PLBD2: variants seen among roughly 807,000 people sequenced by gnomAD.
PLBD2 encodes phospholipase B domain containing 2, also known as putative aminopeptidase PLBD2.
A neutral mutation model predicts 68.3 loss-of-function variants in PLBD2; 51 were observed. The ratio of observed to expected loss-of-function variants is 0.75; its 90% CI spans 0.60 to 0.94. PLBD2 has a LOEUF of 0.94. PLBD2 is among the 40% of genes least tolerant of loss of function. PLBD2 has a pLI of 0.00. For synonymous variants in PLBD2, 314 were observed against 339.3 expected, an observed-to-expected ratio of 0.93 and a Z score of 0.82; for missense variants, 729 against 792.2, an observed-to-expected ratio of 0.92 and a Z score of 0.96.
chr12:113,363,315 A>G (rs1243659550), intron 1 of PLBD2, among the ~76,000 whole-genome samples: 1 of 152,072 alleles, frequency 6.6e-6, no homozygotes, highest in African/African-American at 2.4e-5. Context: ...GCGTGCCTGT[A>G]GTTCCAGCTA....
At position 113,362,468 on chromosome 12, in the gene PLBD2, A is replaced by G. The variant is rs965400524; in HGVS notation, c.290+3578A>G. Among the ~76,000 whole-genome samples the G allele has an allele frequency of 3.3e-5, 5 of 152,140 alleles. No individual in the cohort carries two copies. The East Asian group carries it at 9.7e-4, about 30-fold the overall frequency. On this transcript the variant is annotated intron_variant, in intron 1 of 11. Transcript: ENST00000280800. ...GTGAGATATTTGTGGCCCCCTGCTC[A>G]TATCAGTGGTCTGACTTTTTCCAAT...
intron 6 of PLBD2, among the ~76,000 whole-genome samples, chr12:113,381,831 T>A (rs933790839): frequency 9.2e-5 from 14 of 152,170 alleles, no homozygotes; most frequent in Non-Finnish European, 1.8e-4. Flanking sequence ...TTATTTATTT[T>A]TTTTCATAGA....
chr12:113,363,570 G>C (rs373621555), intron 1 of PLBD2, among the ~76,000 whole-genome samples: 15 of 124,500 alleles, frequency 1.2e-4, no homozygotes, highest in South Asian at 9.9e-4. Flanking sequence ...GTGGAGTCTC[G>C]CCCTGTTGCC....
At chr12:113,371,862 G>A (rs565849679) in intron 2 of PLBD2, among the ~76,000 whole-genome samples, 3 of 152,304 alleles carry the variant, frequency 2.0e-5, no homozygotes, top group African/African-American at 4.8e-5. Context: ...CCTAACTAGT[G>A]TGCCCTGCTG....
Position 113,374,992 on chromosome 12 carries a change from C to G in PLBD2, c.844C>G (p.Arg282Gly). 6.2e-7 allele frequency: 1 copy of G among 1,613,972 alleles called. No individual in the cohort carries two copies. The highest frequency in any genetic ancestry group is 8.5e-7 in the Non-Finnish European group (1 of 1,179,932). The change falls in exon 5 of 12, where the codon CGG becomes GGG. Residue 282 changes from arginine to glycine, a missense_variant. Coordinates refer to ENST00000280800, the MANE Select transcript of PLBD2 (RefSeq NM_173542.4). ...RVIKKYWLQF[R>G]EGPWGDYPLV... ...CATCAAGAAGTACTGGCTCCAGTTCCGGGAAGGCCCCTGGGGTAGGTGGGT... is the reference window on the plus strand; with the variant it reads ...CATCAAGAAGTACTGGCTCCAGTTCGGGGAAGGCCCCTGGGGTAGGTGGGT...
rs1319506136 is a variant in PLBD2, at chr12:113,374,488, C to T, written c.558C>T (p.Leu186=). The change falls in exon 4 of 12, where the codon CTC becomes CTT. Residue 186 remains leucine (L), a synonymous_variant. Transcript: ENST00000280800. ...CCCTCCCCTAGGTGCGGCTGACCCT[C>T]CTGCAGCTGAAAGGCCTGGAGGACA... is the stretch of plus-strand genomic sequence containing the variant. ...SPYWHQVRLT[L]LQLKGLEDSY... 4 of 1,599,892 alleles carry T rather than the reference C, an allele frequency of 2.5e-6. No homozygotes were observed. Among genetic ancestry groups the T allele is most frequent in the Non-Finnish European group, 3.4e-6 (4 of 1,173,886 alleles).
At position 113,380,754 on chromosome 12, in the gene PLBD2, C is replaced by G; in HGVS notation, c.869C>G (p.Pro290Arg). Residue 290 changes from proline (P) to arginine (R), a missense_variant, in exon 6 of 12, where the codon CCG becomes CGG. Coordinates refer to ENST00000280800, the MANE Select transcript of PLBD2 (RefSeq NM_173542.4). ...QFREGPWGDY[P>R]LVPGNKLVFS... ...CGCTCTGCCTGCACAGGGGACTACC[C>G]GCTGGTTCCCGGCAACAAGCTGGTC... 6.4e-7 allele frequency: 1 copy of G among 1,550,450 alleles called. No individual in the cohort carries two copies. The highest frequency in any genetic ancestry group is 8.7e-7 in the Non-Finnish European group (1 of 1,147,358).
intron 9 of PLBD2, among the ~76,000 whole-genome samples, chr12:113,386,237 G>A (rs955657760): frequency 1.3e-5 from 2 of 152,248 alleles, no homozygotes; most frequent in Non-Finnish European, 2.9e-5. Flanking sequence ...CACCCAGGCT[G>A]GAGTGCAATG....
At position 113,386,979 on chromosome 12, in the gene PLBD2, A is replaced by G. The variant is rs1179820375; in HGVS notation, c.1329A>G (p.Leu443=). ...TVFNASGLQA[L]VAQYGDWFSY... Reference sequence around the variant, plus strand: ...TCAATGCCAGTGGGCTGCAGGCCCTAGTGGCCCAGTATGGGGACTGGTTTT... The same window carrying G: ...TCAATGCCAGTGGGCTGCAGGCCCTGGTGGCCCAGTATGGGGACTGGTTTT... Residue 443 remains leucine, a synonymous_variant, in exon 10 of 12, where the codon CTA becomes CTG. Transcript: ENST00000280800. 6.2e-7 allele frequency: 1 copy of G among 1,613,006 alleles called. No individual in the cohort carries two copies. The highest frequency in any genetic ancestry group is 8.5e-7 in the Non-Finnish European group (1 of 1,179,620).
In PLBD2 at chr12:113,374,936, C is replaced by T. The variant is rs751363091; in HGVS notation, c.788C>T (p.Thr263Ile). Residue 263 changes from threonine to isoleucine, a missense_variant, in exon 5 of 12, where the codon ACC (threonine) becomes ATC (isoleucine). Thr to Ile is a moderately conservative substitution (Grantham distance 89). Coordinates refer to ENST00000280800, the MANE Select transcript of PLBD2 (RefSeq NM_173542.4). ...GQSDLLVAHN[T>I]WNNYQHMLRV... The stretch of plus-strand genomic sequence containing the variant: ...AGTGACCTCCTGGTTGCCCACAACA[C>T]CTGGAACAACTACCAGCACATGCTG... 11 of 1,614,178 alleles carry T rather than the reference C, an allele frequency of 6.8e-6. No individual in the cohort carries two copies. The highest frequency in any genetic ancestry group is 9.3e-6 in the Non-Finnish European group (11 of 1,180,030).
rs1957589989 is a variant in PLBD2, at chr12:113,389,610, T to C, written c.*984T>C. 1 of 151,940 alleles carries C rather than the reference T, an allele frequency of 6.6e-6. No individual in the cohort carries two copies. Among genetic ancestry groups the C allele is most frequent in the African/African-American group, 2.4e-5 (1 of 41,314 alleles). 9.4% of individuals were successfully genotyped at this position (151,940 alleles called of 1,614,324 possible). A position where few individuals can be genotyped will look rare whatever the true frequency, so the allele number is the denominator to read the frequency against. On this transcript the variant is annotated 3_prime_UTR_variant, in exon 12 of 12. Coordinates refer to ENST00000280800, the MANE Select transcript of PLBD2 (RefSeq NM_173542.4). ...GTCTTCCATCATCCATCCATCCATC[T>C]ACCTATCCATTTATCATCCATCCAC... is the stretch of plus-strand genomic sequence containing the variant.
At chr12:113,374,424 A>G (rs956076883) in intron 3 of PLBD2, 50 bp from the exon 4 acceptor site, 1 of 1,251,062 alleles carries the variant, frequency 8.0e-7, no homozygotes, top group Non-Finnish European at 1.1e-6. Context: ...AGAAGGTGTG[A>G]GCCTGGAGGA....
chr12:113,369,295 G>C (rs1417200826), intron 2 of PLBD2, 86 bp downstream of exon 2: 9 of 1,054,578 alleles, frequency 8.5e-6, no homozygotes, highest in Non-Finnish European at 1.2e-5. Context: ...GATGTGTGCA[G>C]AGTAGGCCCC....
At position 113,372,269 on chromosome 12, in the gene PLBD2, A is replaced by T. The variant is rs1957396027; in HGVS notation, c.385-380A>T. On this transcript the variant is annotated intron_variant, in intron 2 of 11. Transcript: ENST00000280800. The surrounding 1 kb of genome is among the most constrained non-coding windows in gnomAD (Gnocchi z 4.2). Reference sequence around the variant, plus strand: ...GCCACGGCATTCTCTTGCCCAGTGGAATCAGAAGGGTTATTGCTGTTTTGT... The same window carrying T: ...GCCACGGCATTCTCTTGCCCAGTGGTATCAGAAGGGTTATTGCTGTTTTGT... Among the ~76,000 whole-genome samples, 1 of 152,052 alleles carries T rather than the reference A, an allele frequency of 6.6e-6. No homozygotes were observed. Among genetic ancestry groups the T allele is most frequent in the Non-Finnish European group, 1.5e-5 (1 of 67,988 alleles).
intron 5 of PLBD2, 65 bp downstream of exon 5, chr12:113,375,072 C>T (rs745863565): frequency 2.7e-5 from 40 of 1,492,362 alleles, no homozygotes; most frequent in Non-Finnish European, 3.6e-5. Flanking sequence ...GGGAGTGGTC[C>T]TAGGAGGTTT....
chr12:113,360,470 A>C (rs1228927378), intron 1 of PLBD2, among the ~76,000 whole-genome samples: 2 of 152,174 alleles, frequency 1.3e-5, no homozygotes, highest in Non-Finnish European at 2.9e-5. Context: ...ACTATGGTAA[A>C]CATGGAAGTG....
At chr12:113,376,484 A>G (rs1020609964) in intron 5 of PLBD2, among the ~76,000 whole-genome samples, 1 of 152,162 alleles carries the variant, frequency 6.6e-6, no homozygotes. Context: ...TCTTTATCCA[A>G]ATCAAGTCAG....
intron 2 of PLBD2, among the ~76,000 whole-genome samples, chr12:113,369,692 T>G (rs542721833): frequency 1.3e-5 from 2 of 152,262 alleles, no homozygotes; most frequent in South Asian, 4.1e-4. Flanking sequence ...GGGCACATAC[T>G]GTATGATTCT....
chr12:113,384,284 C>G lies in PLBD2; in HGVS notation c.1118+19C>G. 1 of 1,598,038 alleles carries G rather than the reference C, an allele frequency of 6.3e-7. No individual in the cohort carries two copies. The highest frequency in any genetic ancestry group is 8.5e-7 in the Non-Finnish European group (1 of 1,170,960). ...GCGGCACGTGAGTGGGCTTCTGGCC[C>G]TGTGGCTTCCCCTGCACCAAGAGAT... On this transcript the variant is annotated intron_variant, in intron 7 of 11. Coordinates refer to ENST00000280800, the MANE Select transcript of PLBD2 (RefSeq NM_173542.4). This position sits in a 1 kb window ranked among gnomAD's most constrained non-coding sequence, Gnocchi z 4.2.
Sources: gnomAD v4.1 joint callset for allele counts (sites outside exome capture counted in the v4.1 genomes callset) on GRCh38, gnomAD v4.1.1 for gene constraint, Gnocchi (gnomAD v3.1) non-coding constraint, MANE v1.5 for transcripts, NCBI Gene and HGNC (gene_info 2026-07-23, HGNC 2026-07-21) for gene names.